The following PHTF2 variants were observed in gnomAD, a reference collection of about 807,000 sequenced individuals.
PHTF2 encodes putative homeodomain transcription factor 2.
PHTF2 carries 60 observed loss-of-function variants against 101.2 expected under a neutral mutation model. The observed-to-expected ratio is 0.59, with a 90% CI of 0.48 to 0.73. The LOEUF (loss-of-function observed/expected upper bound fraction) is 0.73. Among genes scored for constraint, PHTF2 ranks in the 30% least tolerant of loss-of-function variants. The probability of loss-of-function intolerance (pLI) is 0.00; values close to 1 mark genes in which losing one functional copy is unlikely to be tolerated. For missense variants in PHTF2, 747 were observed against 908.7 expected (o/e 0.82, Z 2.29); for synonymous variants, 311 against 307.3 (o/e 1.01, Z -0.13).
chr7:77,949,934 C>A, intron 17 of PHTF2, 101 bp downstream of exon 16: 1 of 636,790 alleles, frequency 1.6e-6, no homozygotes, highest in Non-Finnish European at 2.5e-6. Flanking sequence ...TGATTAAGGT[C>A]ATTTGTGCTA....
intron 1 of PHTF2, among the ~76,000 whole-genome samples, chr7:77,832,916 A>G (rs1462194231): frequency 6.6e-6 from 1 of 152,208 alleles, no homozygotes; most frequent in Non-Finnish European, 1.5e-5. Context: ...GTCTTCCACA[A>G]AACCAGTCCC....
chr7:77,862,500 T>C (rs1345213561), intron 3 of PHTF2, among the ~76,000 whole-genome samples: 2 of 152,206 alleles, frequency 1.3e-5, no homozygotes, highest in Non-Finnish European at 2.9e-5. Context: ...ATCATTGGCC[T>C]GTAGCGGTTG....
At chr7:77,916,945 G>A (rs763945272) in intron 9 of PHTF2, among the ~76,000 whole-genome samples, 16 of 152,136 alleles carry the variant, frequency 1.1e-4, no homozygotes, top group Non-Finnish European at 1.9e-4. Flanking sequence ...AGGCCTGGTC[G>A]TGACCCACTT....
At chr7:77,908,711 AT>A (rs1802088158) in intron 7 of PHTF2, 81 bp from the exon 7 acceptor site, 1 of 901,062 alleles carries the variant, frequency 1.1e-6, no homozygotes, top group African/African-American at 1.7e-5. Context: ...TTGGCAAAAA[AT>A]AATGTAAAAA....
chr7:77,912,632 G>A (rs1802500970), intron 9 of PHTF2, among the ~76,000 whole-genome samples: 1 of 145,082 alleles, frequency 6.9e-6, no homozygotes, highest in South Asian at 2.2e-4. Flanking sequence ...TTTTCTAGAT[G>A]TTAGGTTGAG....
chr7:77,951,228 C>T (rs529242891), intron 17 of PHTF2, among the ~76,000 whole-genome samples: 79 of 152,210 alleles, frequency 5.2e-4, no homozygotes, highest in African/African-American at 1.8e-3. Context: ...CACTTGAATC[C>T]AGGATTTCAA....
intron 3 of PHTF2, among the ~76,000 whole-genome samples, chr7:77,863,029 G>A (rs888123231): frequency 3.9e-5 from 6 of 152,112 alleles, no homozygotes; most frequent in African/African-American, 1.4e-4. Context: ...CAGCACCAAG[G>A]ATTGATTCAC....
At chr7:77,823,563 A>G (rs567979535) in intron 1 of PHTF2, among the ~76,000 whole-genome samples, 5 of 152,382 alleles carry the variant, frequency 3.3e-5, no homozygotes, top group East Asian at 1.9e-4. Flanking sequence ...TTTGAACACC[A>G]TGGCTTATAT....
chr7:77,888,729 A>G (rs1003523945), intron 3 of PHTF2, among the ~76,000 whole-genome samples: 10 of 152,214 alleles, frequency 6.6e-5, no homozygotes, highest in Middle Eastern at 3.2e-3. Context: ...AGAGAACTAT[A>G]ATTGAACTTG....
chr7:77,900,972 C>A (rs1688933394), intron 6 of PHTF2, among the ~76,000 whole-genome samples, 192 bp downstream of exon 5: 1 of 152,212 alleles, frequency 6.6e-6, no homozygotes, highest in Non-Finnish European at 1.5e-5. Flanking sequence ...ACAGCACCAG[C>A]ACCTGCTTCT....
chr7:77,926,112 T>C (rs1803977420), intron 11 of PHTF2, among the ~76,000 whole-genome samples: 1 of 152,116 alleles, frequency 6.6e-6, no homozygotes, highest in Non-Finnish European at 1.5e-5. Context: ...AAAACACTTC[T>C]AAAGAATTAT....
intron 2 of PHTF2, among the ~76,000 whole-genome samples, chr7:77,851,838 T>C (rs1796787843): frequency 6.6e-6 from 1 of 152,204 alleles, no homozygotes; most frequent in Non-Finnish European, 1.5e-5. Flanking sequence ...TAGGGGCTGA[T>C]TGGATTAAAG....
intron 11 of PHTF2, 178 bp downstream of exon 10, chr7:77,922,956 GTA>G: frequency 7.6e-7 from 1 of 1,314,476 alleles, no homozygotes; most frequent in African/African-American, 1.5e-5. Context: ...TATTGCACAT[GTA>G]TTGATAGATA....
intron 13 of PHTF2, among the ~76,000 whole-genome samples, chr7:77,939,474 G>A (rs10281673): frequency 0.025 from 3,824 of 151,758 alleles, 169 homozygotes; most frequent in African/African-American, 0.087. Context: ...TTAGCTGGGG[G>A]CGGTGGTGTA....
intron 11 of PHTF2, among the ~76,000 whole-genome samples, chr7:77,926,005 G>A (rs1484865275): frequency 6.6e-6 from 1 of 151,664 alleles, no homozygotes; most frequent in African/African-American, 2.4e-5. Flanking sequence ...GCAGTGAGCC[G>A]AGATCACGCC....
intron 3 of PHTF2, among the ~76,000 whole-genome samples, chr7:77,860,097 G>A (rs2150668071): frequency 6.6e-6 from 1 of 152,192 alleles, no homozygotes; most frequent in Middle Eastern, 3.4e-3. Flanking sequence ...AATCTTGGAG[G>A]ATTGTCAAAC....
chr7:77,812,175 T>C (rs908487070), intron 1 of PHTF2, among the ~76,000 whole-genome samples: 9 of 152,186 alleles, frequency 5.9e-5, no homozygotes, highest in African/African-American at 1.9e-4. Context: ...GCTGAGAACA[T>C]TTAGTCTGGA....
exon 20 of PHTF2, chr7:77,957,326 A>G (rs1449514022): frequency 6.6e-6 from 1 of 152,044 alleles, no homozygotes; most frequent in African/African-American, 2.4e-5. Context: ...GTGAAAATAA[A>G]TTTTTTATAA....
intron 1 of PHTF2, among the ~76,000 whole-genome samples, chr7:77,799,363 G>A (rs1468473030): frequency 1.3e-5 from 2 of 152,182 alleles, no homozygotes; most frequent in Non-Finnish European, 2.9e-5. Context: ...CTGGAAGGGC[G>A]TTCAGGGGTC....
Sources: allele counts gnomAD v4.1 joint callset (sites outside exome capture counted in the v4.1 genomes callset), GRCh38; gene constraint gnomAD v4.1.1; transcripts MANE v1.5; gene names NCBI Gene and HGNC (gene_info 2026-07-23, HGNC 2026-07-21).